SPAG16: variants seen among roughly 807,000 people sequenced by gnomAD.
The protein encoded by SPAG16 is sperm-associated antigen 16 protein.
Under a neutral mutation model 80.4 loss-of-function variants are expected in SPAG16, and 86 were observed. That is an observed-to-expected ratio of 1.07 (90% CI 0.90 to 1.28). SPAG16 has a LOEUF of 1.28. Among genes scored for constraint, SPAG16 ranks in the 50% most tolerant of loss-of-function variants. The pLI, the probability that SPAG16 is intolerant of heterozygous loss-of-function variation, is 0.00. For missense variants in SPAG16, 870 were observed against 765.3 expected, an observed-to-expected ratio of 1.14 and a Z score of -1.61; for synonymous variants, 294 against 265.9, an observed-to-expected ratio of 1.11 and a Z score of -1.03.
chr2:213,745,815 T>G (rs2067794603), intron 10 of SPAG16, among the ~76,000 whole-genome samples: 1 of 152,160 alleles, frequency 6.6e-6, no homozygotes, highest in Non-Finnish European at 1.5e-5. Context: ...CCTTAAATAC[T>G]AGAATGTAAT....
intron 12 of SPAG16, among the ~76,000 whole-genome samples, chr2:213,945,438 T>C (rs1201179574): frequency 1.3e-5 from 2 of 151,638 alleles, no homozygotes; most frequent in Admixed American, 6.6e-5. Flanking sequence ...CCAGTCCGAG[T>C]CTCAAAACTG....
intron 10 of SPAG16, among the ~76,000 whole-genome samples, chr2:213,843,125 T>A (rs984675240): frequency 1.3e-5 from 2 of 152,168 alleles, no homozygotes; most frequent in East Asian, 1.9e-4. Flanking sequence ...TTTTTTTTTT[T>A]AATTATACTT....
At chr2:214,101,824 A>T (rs1188455088) in intron 13 of SPAG16, among the ~76,000 whole-genome samples, 1 of 152,180 alleles carries the variant, frequency 6.6e-6, no homozygotes, top group Non-Finnish European at 1.5e-5. Flanking sequence ...TATGATAACA[A>T]CTGTAAAACA....
At chr2:213,673,810 A>G (rs1294606785) in intron 10 of SPAG16, among the ~76,000 whole-genome samples, 1 of 152,154 alleles carries the variant, frequency 6.6e-6, no homozygotes, top group East Asian at 1.9e-4. Context: ...ACAACAAAAA[A>G]AAATAAAGAA....
At chr2:214,372,971 G>A (rs1339029909) in intron 15 of SPAG16, among the ~76,000 whole-genome samples, 1 of 152,138 alleles carries the variant, frequency 6.6e-6, no homozygotes, top group Non-Finnish European at 1.5e-5. Flanking sequence ...GCTCTGCAAT[G>A]ACAAAGCAGT....
chr2:214,021,944 C>T (rs1468707277), intron 13 of SPAG16, among the ~76,000 whole-genome samples: 1 of 152,030 alleles, frequency 6.6e-6, no homozygotes, highest in Non-Finnish European at 1.5e-5. Context: ...CCTGACACAC[C>T]TTTTCCCCTC....
chr2:213,899,371 A>T (rs2077120850), intron 11 of SPAG16, among the ~76,000 whole-genome samples: 1 of 152,114 alleles, frequency 6.6e-6, no homozygotes, highest in African/African-American at 2.4e-5. Context: ...TAAAAGGAAG[A>T]CTTTCTAACA....
intron 15 of SPAG16, among the ~76,000 whole-genome samples, chr2:214,169,679 T>C (rs888566387): frequency 5.9e-5 from 9 of 152,056 alleles, no homozygotes; most frequent in Non-Finnish European, 1.2e-4. Context: ...TATACAACAT[T>C]AGAAAGTTAT....
intron 12 of SPAG16, among the ~76,000 whole-genome samples, chr2:214,006,384 G>GA (rs2124912951): frequency 6.6e-6 from 1 of 152,288 alleles, no homozygotes; most frequent in East Asian, 1.9e-4. Context: ...TTTAAATAAA[G>GA]ATGTATCTGA....
chr2:213,351,202 A>C (rs1027808569), intron 7 of SPAG16, among the ~76,000 whole-genome samples: 3 of 152,144 alleles, frequency 2.0e-5, no homozygotes, highest in African/African-American at 4.8e-5. Flanking sequence ...CAGATTATTA[A>C]ATTATAGTTA....
chr2:213,883,538 T>C (rs1184115009), intron 11 of SPAG16, among the ~76,000 whole-genome samples: 1 of 152,182 alleles, frequency 6.6e-6, no homozygotes, highest in Admixed American at 6.5e-5. Context: ...TTTGCTTAAG[T>C]GTCAAGTTTA....
intron 5 of SPAG16, among the ~76,000 whole-genome samples, chr2:213,329,021 T>C (rs1417017608): frequency 6.6e-6 from 1 of 152,150 alleles, no homozygotes; most frequent in East Asian, 1.9e-4. Flanking sequence ...CCACCATCCA[T>C]GTAAGATGTG....
chr2:213,772,750 T>TA (rs1027701291), intron 10 of SPAG16, among the ~76,000 whole-genome samples: 1 of 152,250 alleles, frequency 6.6e-6, no homozygotes, highest in Non-Finnish European at 1.5e-5. Flanking sequence ...TCTATTTCTA[T>TA]AAAAAAGCCT....
At chr2:213,741,753 T>C (rs2067565224) in intron 10 of SPAG16, among the ~76,000 whole-genome samples, 1 of 152,122 alleles carries the variant, frequency 6.6e-6, no homozygotes, top group African/African-American at 2.4e-5. Context: ...ATAGGTATAT[T>C]GTAAATTCAG....
intron 12 of SPAG16, among the ~76,000 whole-genome samples, chr2:213,995,487 G>A (rs75511469): frequency 0.032 from 4,830 of 152,274 alleles, 243 homozygotes; most frequent in African/African-American, 0.11. Flanking sequence ...TGACACATGA[G>A]TCTCTGCCTG....
chr2:214,038,443 T>TCTCA (rs201677405), intron 13 of SPAG16, among the ~76,000 whole-genome samples: 2,597 of 152,232 alleles, frequency 0.017, 61 homozygotes, highest in African/African-American at 0.057. Context: ...ATTACTCCAC[T>TCTCA]CTCAACTTTA....
intron 11 of SPAG16, 145 bp from the exon 12 acceptor site, chr2:213,929,815 A>G (rs750771484): frequency 8.2e-5 from 53 of 649,846 alleles, no homozygotes; most frequent in Non-Finnish European, 1.2e-4. Context: ...AAATAAGATA[A>G]TAATATTTAG....
At chr2:213,614,916 A>G (rs2061545302) in intron 10 of SPAG16, among the ~76,000 whole-genome samples, 1 of 152,212 alleles carries the variant, frequency 6.6e-6, no homozygotes, top group Non-Finnish European at 1.5e-5. Context: ...TAGAGGTTAA[A>G]AGGAGTAATC....
chr2:213,561,492 T>C (rs2059596224), intron 10 of SPAG16, among the ~76,000 whole-genome samples: 1 of 152,172 alleles, frequency 6.6e-6, no homozygotes, highest in African/African-American at 2.4e-5. Flanking sequence ...CTTGATATAA[T>C]CACTCATTGT....
Sources: gnomAD v4.1 joint callset for allele counts (sites outside exome capture counted in the v4.1 genomes callset) on GRCh38, gnomAD v4.1.1 for gene constraint, MANE v1.5 for transcripts, NCBI Gene and HGNC (gene_info 2026-07-23, HGNC 2026-07-21) for gene names.